The following PTPRD variants were observed in gnomAD, a reference collection of about 807,000 sequenced individuals.
PTPRD encodes protein tyrosine phosphatase receptor type D.
A neutral mutation model predicts 214.5 loss-of-function variants in PTPRD; 34 were observed. The ratio of observed to expected loss-of-function variants is 0.16; its 90% CI spans 0.12 to 0.21. The LOEUF (loss-of-function observed/expected upper bound fraction) is 0.21. PTPRD is among the 10% of genes least tolerant of loss of function. The pLI is 1.00. For missense variants in PTPRD, 2,545 were observed against 2,398.7 expected (o/e 1.06, Z -1.27); for synonymous variants, 1,128 against 845.7 (o/e 1.33, Z -5.79).
intron 36 of PTPRD, among the ~76,000 whole-genome samples, chr9:8,393,657 G>A (rs2090292062): frequency 6.6e-6 from 1 of 152,052 alleles, no homozygotes; most frequent in Admixed American, 6.6e-5. Flanking sequence ...ATAAAACTGA[G>A]TGGGTTTTCA....
rs114620859 is a variant in PTPRD, at chr9:9,600,870, A to G, written c.-286-26089T>C. Among the ~76,000 whole-genome samples, 907 of 152,150 alleles carry G rather than the reference A, an allele frequency of 6.0e-3. 9 individuals are homozygous for G. The highest frequency in any genetic ancestry group is 0.02 in the African/African-American group (845 of 41,536). Reference sequence around the variant, plus strand: ...TAAGGATGTGTCAACTAATAACACAAACTATATTTTTTCTACTTGTATATT... The same window carrying G: ...TAAGGATGTGTCAACTAATAACACAGACTATATTTTTTCTACTTGTATATT... On this transcript the variant is annotated intron_variant, in intron 7 of 45. Transcript: ENST00000381196.
intron 10 of PTPRD, among the ~76,000 whole-genome samples, chr9:9,182,726 T>C (rs1303868813): frequency 6.6e-6 from 1 of 152,018 alleles, no homozygotes; most frequent in Admixed American, 6.6e-5. Flanking sequence ...GCTGTGTTAA[T>C]AGCAAAAATT....
intron 3 of PTPRD, among the ~76,000 whole-genome samples, chr9:10,112,042 G>T (rs1455145361): frequency 1.3e-5 from 2 of 152,198 alleles, no homozygotes; most frequent in Admixed American, 6.5e-5. Context: ...TAAATCAATT[G>T]TGAATAAACA....
intron 14 of PTPRD, among the ~76,000 whole-genome samples, chr9:8,595,763 G>A (rs142469415): frequency 1.5e-3 from 236 of 152,282 alleles, no homozygotes; most frequent in African/African-American, 5.5e-3. Flanking sequence ...AGGTGCTCTT[G>A]TTTTCACTGA....
intron 5 of PTPRD, among the ~76,000 whole-genome samples, chr9:9,931,575 T>C (rs556960158): frequency 5.3e-5 from 8 of 152,236 alleles, no homozygotes; most frequent in Admixed American, 5.2e-4. Flanking sequence ...CGGAGGGTCC[T>C]ATGCCCACGG....
intron 5 of PTPRD, among the ~76,000 whole-genome samples, chr9:9,894,119 C>T (rs1402121800): frequency 6.6e-6 from 1 of 151,972 alleles, no homozygotes; most frequent in East Asian, 1.9e-4. Flanking sequence ...ACTCCCAACC[C>T]TTTTATTTTA....
Position 8,871,011 on chromosome 9 carries a change from G to C in PTPRD, c.-103-137065C>G, listed in dbSNP as rs904238044. Among the ~76,000 whole-genome samples the C allele has an allele frequency of 2.0e-5, 3 of 152,162 alleles. No homozygotes were observed. The East Asian group carries it at 5.8e-4, about 29-fold the overall frequency. Reference sequence around the variant, plus strand: ...GCAGACATCCCGTTTGAGACCACTAGGTGCCCCCTCCTTTCCCTGTTTTCT... The same window carrying C: ...GCAGACATCCCGTTTGAGACCACTACGTGCCCCCTCCTTTCCCTGTTTTCT... On this transcript the variant is annotated intron_variant, in intron 11 of 45. Transcript: ENST00000381196.
chr9:9,010,885 T>C (rs1304301137), intron 11 of PTPRD, among the ~76,000 whole-genome samples: 1 of 152,160 alleles, frequency 6.6e-6, no homozygotes. Flanking sequence ...AGACAAATAT[T>C]ATCCGCTTAT....
chr9:10,584,873 T>C (rs1030402748), intron 2 of PTPRD, among the ~76,000 whole-genome samples: 12 of 152,276 alleles, frequency 7.9e-5, no homozygotes, highest in African/African-American at 2.9e-4. Context: ...AACCAGAAAT[T>C]TGATCCCATC....
chr9:8,812,285 C>G (rs1015527169), intron 11 of PTPRD, among the ~76,000 whole-genome samples: 1 of 152,112 alleles, frequency 6.6e-6, no homozygotes. Context: ...TAGGTCTACA[C>G]ATGTATACAT....
intron 4 of PTPRD, among the ~76,000 whole-genome samples, chr9:9,956,767 A>T (rs997515752): frequency 2.6e-5 from 4 of 152,202 alleles, no homozygotes; most frequent in African/African-American, 9.6e-5. Flanking sequence ...TTAATAAATC[A>T]CAAGTTAGAG....
intron 2 of PTPRD, among the ~76,000 whole-genome samples, chr9:10,383,421 T>C (rs2097856915): frequency 6.6e-6 from 1 of 151,860 alleles, no homozygotes; most frequent in East Asian, 1.9e-4. Flanking sequence ...GATGGGACTA[T>C]ATGTCATGCT....
intron 4 of PTPRD, among the ~76,000 whole-genome samples, chr9:9,979,101 G>A (rs1380077898): frequency 2.0e-5 from 3 of 151,964 alleles, no homozygotes; most frequent in Non-Finnish European, 2.9e-5. Flanking sequence ...CTGATTTATT[G>A]CTAGCACACT....
chr9:8,356,122 G>A (rs912671181), intron 39 of PTPRD, among the ~76,000 whole-genome samples: 1 of 152,002 alleles, frequency 6.6e-6, no homozygotes, highest in Non-Finnish European at 1.5e-5. Flanking sequence ...TTTTTTTTAA[G>A]ACCAAATACT....
intron 9 of PTPRD, among the ~76,000 whole-genome samples, chr9:9,388,339 C>T (rs1001907848): frequency 6.6e-6 from 1 of 152,118 alleles, no homozygotes; most frequent in Non-Finnish European, 1.5e-5. Flanking sequence ...GGGGATGGAG[C>T]TTTAGCCAGG....
intron 2 of PTPRD, among the ~76,000 whole-genome samples, chr9:10,479,622 A>G (rs201802982): frequency 1.4e-5 from 1 of 70,148 alleles, no homozygotes; most frequent in Non-Finnish European, 3.1e-5. Context: ...CTCTAAAAAA[A>G]GAAAACATAA....
rs552421579 is a variant in PTPRD, at chr9:9,954,198, A to G, written c.-471-15588T>C. 3.4e-5 allele frequency among the ~76,000 whole-genome samples: 5 copies of G among 145,312 alleles called. No homozygotes were observed. The East Asian group carries it at 1.1e-3, about 32-fold the overall frequency. On this transcript the variant is annotated intron_variant, in intron 4 of 45. Coordinates refer to ENST00000381196, the MANE Select transcript of PTPRD (RefSeq NM_002839.4). The stretch of plus-strand genomic sequence containing the variant: ...GTAATCCCAGCTACTTGGGAGGCTG[A>G]GGGATGAGAATCGCTTGAACCTGGG...
At chr9:9,108,687 T>C (rs139561219) in intron 10 of PTPRD, among the ~76,000 whole-genome samples, 12 of 152,278 alleles carry the variant, frequency 7.9e-5, no homozygotes, top group African/African-American at 2.9e-4. Context: ...TTACTTCTTT[T>C]TACAGCACAT....
chr9:10,188,087 A>C (rs1170925459), intron 3 of PTPRD, among the ~76,000 whole-genome samples: 1 of 152,220 alleles, frequency 6.6e-6, no homozygotes, highest in Non-Finnish European at 1.5e-5. Flanking sequence ...AACATTATTT[A>C]ACATTATTTC....
Sources: allele counts gnomAD v4.1 joint callset (sites outside exome capture counted in the v4.1 genomes callset), GRCh38; gene constraint gnomAD v4.1.1; transcripts MANE v1.5; gene names NCBI Gene and HGNC (gene_info 2026-07-23, HGNC 2026-07-21).